The following VWC2 variants were observed in gnomAD, a reference collection of about 807,000 sequenced individuals.
VWC2 encodes von Willebrand factor C domain containing 2, also known as brorin.
A neutral mutation model predicts 29.8 loss-of-function variants in VWC2; 14 were observed. That is an observed-to-expected ratio of 0.47 (90% CI 0.31 to 0.74). The LOEUF (loss-of-function observed/expected upper bound fraction) is 0.74, where lower values mean the gene tolerates loss of function less well. Among genes scored for constraint, VWC2 ranks in the 30% least tolerant of loss-of-function variants. The probability of loss-of-function intolerance (pLI) is 0.05; values close to 1 mark genes in which losing one functional copy is unlikely to be tolerated. For synonymous variants in VWC2, 213 were observed against 199.0 expected (o/e 1.07, Z -0.59); for missense variants, 457 against 459.8 (o/e 0.99, Z 0.05).
At chr7:49,889,860 A>G (rs530489553) in intron 3 of VWC2, among the ~76,000 whole-genome samples, 2 of 152,336 alleles carry the variant, frequency 1.3e-5, no homozygotes, top group Admixed American at 1.3e-4. Flanking sequence ...CACGCTTGCA[A>G]TTCTGAAATA....
intron 3 of VWC2, among the ~76,000 whole-genome samples, chr7:49,885,871 C>T (rs1791881888): frequency 6.6e-6 from 1 of 152,244 alleles, no homozygotes. Flanking sequence ...CCTGGTAGGG[C>T]TACAGGCCCT....
chr7:49,784,323 A>G (rs1480210818), intron 2 of VWC2, among the ~76,000 whole-genome samples: 1 of 152,158 alleles, frequency 6.6e-6, no homozygotes, highest in Non-Finnish European at 1.5e-5. Context: ...CTGTCATTTC[A>G]CATTCTATAT....
chr7:49,800,066 C>G (rs1337530400), intron 2 of VWC2, among the ~76,000 whole-genome samples: 1 of 152,192 alleles, frequency 6.6e-6, no homozygotes, highest in African/African-American at 2.4e-5. Flanking sequence ...AACTGACAAT[C>G]AAATTTTTTA....
intron 3 of VWC2, among the ~76,000 whole-genome samples, chr7:49,860,753 TA>T (rs1790614997): frequency 6.6e-6 from 1 of 152,188 alleles, no homozygotes; most frequent in Non-Finnish European, 1.5e-5. Flanking sequence ...GTAATTAAGT[TA>T]AATGAGATCA....
At chr7:49,825,990 A>G (rs183510657) in intron 3 of VWC2, among the ~76,000 whole-genome samples, 2 of 152,138 alleles carry the variant, frequency 1.3e-5, no homozygotes, top group African/African-American at 4.8e-5. Context: ...GCCAAATCTG[A>G]CTCTGTCCTT....
chr7:49,870,395 G>A (rs1009045251), intron 3 of VWC2, among the ~76,000 whole-genome samples: 31 of 152,210 alleles, frequency 2.0e-4, no homozygotes, highest in South Asian at 4.1e-4. Flanking sequence ...GTGAGACTCC[G>A]TCTCAAAAAA....
At chr7:49,782,969 G>GC in intron 2 of VWC2, among the ~76,000 whole-genome samples, 1 of 152,280 alleles carries the variant, frequency 6.6e-6, no homozygotes, top group South Asian at 2.1e-4. Flanking sequence ...TCTGAACAAA[G>GC]TTCATGTGGA....
intron 2 of VWC2, among the ~76,000 whole-genome samples, chr7:49,790,390 G>T (rs1382189230): frequency 6.6e-6 from 1 of 152,126 alleles, no homozygotes; most frequent in East Asian, 1.9e-4. Flanking sequence ...ACAGCCTCTG[G>T]GGACAGTTCT....
chr7:49,901,658 C>T (rs1396490139), intron 3 of VWC2, among the ~76,000 whole-genome samples: 1 of 151,734 alleles, frequency 6.6e-6, no homozygotes, highest in African/African-American at 2.4e-5. Context: ...CAAACAAAAT[C>T]CCAGGAAGCA....
rs1455137630 is a variant in VWC2, at chr7:49,774,022, C to G, written c.-195C>G. 2.0e-5 allele frequency: 3 copies of G among 151,910 alleles called. No individual in the cohort carries two copies. Among genetic ancestry groups the G allele is most frequent in the Non-Finnish European group, 4.4e-5 (3 of 68,056 alleles). 9.4% of individuals were successfully genotyped at this position (151,910 alleles called of 1,614,324 possible). ...GCCCCACGCGGGTCGCCGGCCGGCC[C>G]AGGATGGGCGCTGGCAACCCGGGCC... On this transcript the variant is annotated 5_prime_UTR_variant, in exon 1 of 4. Coordinates refer to ENST00000340652, the MANE Select transcript of VWC2 (RefSeq NM_198570.5).
In VWC2 at chr7:49,918,077, G is replaced by C. The variant is rs1415877865; in HGVS notation, c.*5892G>C. ...AAAAAGCCATTCTTAAGCAGTCGGT[G>C]AATGTATATCATCGGCCAAAAGTTA... On this transcript the variant is annotated 3_prime_UTR_variant, in exon 4 of 4. Transcript: ENST00000340652. The C allele has an allele frequency of 2.0e-5, 3 of 152,204 alleles. No individual in the cohort carries two copies. Among genetic ancestry groups the C allele is most frequent in the Non-Finnish European group, 4.4e-5 (3 of 68,030 alleles). 9.4% of individuals were successfully genotyped at this position (152,204 alleles called of 1,614,324 possible).
intron 2 of VWC2, among the ~76,000 whole-genome samples, chr7:49,784,313 CTG>C (rs1206351997): frequency 3.3e-5 from 5 of 152,298 alleles, no homozygotes; most frequent in Middle Eastern, 3.4e-3. Context: ...TCTCCATTGT[CTG>C]TCATTTCACA....
At chr7:49,796,486 A>G (rs1342141808) in intron 2 of VWC2, among the ~76,000 whole-genome samples, 1 of 152,188 alleles carries the variant, frequency 6.6e-6, no homozygotes, top group Non-Finnish European at 1.5e-5. Flanking sequence ...CAGGATTGTG[A>G]ACATAGGCAT....
chr7:49,902,895 C>T (rs543117906), intron 3 of VWC2, among the ~76,000 whole-genome samples: 1 of 152,064 alleles, frequency 6.6e-6, no homozygotes, highest in African/African-American at 2.4e-5. Context: ...GTACGTGGAA[C>T]ATATAAATAA....
intron 3 of VWC2, among the ~76,000 whole-genome samples, chr7:49,902,763 C>A (rs1792838671): frequency 6.6e-6 from 1 of 151,988 alleles, no homozygotes; most frequent in African/African-American, 2.4e-5. Flanking sequence ...CATTTGATCG[C>A]ATTGAAATAT....
rs958351299 is a variant in VWC2 at position 49,920,770 on chromosome 7, T to C, written c.*8585T>C. 5.3e-5 allele frequency: 8 copies of C among 152,214 alleles called. No individual in the cohort carries two copies. The highest frequency in any genetic ancestry group is 7.3e-5 in the Non-Finnish European group (5 of 68,038). The allele number at this position is 152,214 out of a possible 1,614,324, so 9.4% of individuals were successfully genotyped here. A position where few individuals can be genotyped will look rare whatever the true frequency, so the allele number is the denominator to read the frequency against. On this transcript the variant is annotated 3_prime_UTR_variant, in exon 4 of 4. Coordinates refer to ENST00000340652, the MANE Select transcript of VWC2 (RefSeq NM_198570.5). ...TTAAATACTTATTCCATAAACTCAG[T>C]ATTTGAAAACTTAAAAAAAAAGTCA...
chr7:49,823,521 G>A (rs1789314915), intron 3 of VWC2, among the ~76,000 whole-genome samples: 1 of 152,150 alleles, frequency 6.6e-6, no homozygotes, highest in African/African-American at 2.4e-5. Context: ...TGGGATCCCT[G>A]GACATTGGGC....
Position 49,873,365 on chromosome 7 carries a change from G to C in VWC2, c.827-38669G>C, listed in dbSNP as rs7811866. ...CCACCTTGTAATGGAGGGAGAGCAG[G>C]AGCTCTCTTGGGCCTCTTTCATAAT... On this transcript the variant is annotated intron_variant, in intron 3 of 3. Transcript: ENST00000340652. 4.5e-3 allele frequency among the ~76,000 whole-genome samples: 684 copies of C among 152,216 alleles called. 4 individuals are homozygous for C. Among genetic ancestry groups the C allele is most frequent in the African/African-American group, 0.016 (648 of 41,542 alleles).
intron 3 of VWC2, among the ~76,000 whole-genome samples, chr7:49,877,163 C>G (rs987841572): frequency 7.9e-5 from 12 of 151,734 alleles, no homozygotes; most frequent in Admixed American, 4.6e-4. Flanking sequence ...TCTCAGTGCT[C>G]AAAAATATTT....
Sources: gnomAD v4.1 joint callset for allele counts (sites outside exome capture counted in the v4.1 genomes callset) on GRCh38, gnomAD v4.1.1 for gene constraint, MANE v1.5 for transcripts, NCBI Gene and HGNC (gene_info 2026-07-23, HGNC 2026-07-21) for gene names.